Variants in NPHP4 observed in about 807,000 individuals in gnomAD.
NPHP4 encodes the protein nephrocystin-4.
NPHP4 carries 151 observed loss-of-function variants against 155.8 expected under a neutral mutation model. The ratio of observed to expected loss-of-function variants is 0.97; its 90% confidence interval spans 0.85 to 1.11. The LOEUF (loss-of-function observed/expected upper bound fraction) is 1.11, where lower values mean the gene tolerates loss of function less well. Ranked by LOEUF, NPHP4 falls within the 50% of genes least tolerant of loss-of-function variation. The probability of loss-of-function intolerance (pLI) is 0.00; values close to 1 mark genes in which losing one functional copy is unlikely to be tolerated. For synonymous variants in NPHP4, 845 were observed against 816.8 expected, an observed-to-expected ratio of 1.03 and a Z score of -0.59; for missense variants, 1,956 against 1,925.7, an observed-to-expected ratio of 1.02 and a Z score of -0.29.
chr1:5,932,400 A>C (rs1012775711), intron 10 of NPHP4, among the ~76,000 whole-genome samples: 3 of 152,188 alleles, frequency 2.0e-5, no homozygotes, highest in Non-Finnish European at 4.4e-5. Context: ...TATTACATCT[A>C]TATACCTTTA....
chr1:5,964,908 A>G (rs1651072787), intron 5 of NPHP4, among the ~76,000 whole-genome samples: 1 of 123,844 alleles, frequency 8.1e-6, no homozygotes, highest in South Asian at 2.4e-4. Context: ...AATATATAAT[A>G]CATATATATT....
chr1:5,895,845 G>A (rs1333415913), intron 16 of NPHP4, among the ~76,000 whole-genome samples: 1 of 152,192 alleles, frequency 6.6e-6, no homozygotes, highest in African/African-American at 2.4e-5. Flanking sequence ...AGCATGATGC[G>A]GCTACCGTAG....
chr1:5,890,062 T>C lies in NPHP4; in HGVS notation c.2304+806A>G, dbSNP rs1644039782. 1.3e-5 allele frequency among the ~76,000 whole-genome samples: 2 copies of C among 151,546 alleles called. No homozygotes were observed. The highest frequency in any genetic ancestry group is 6.6e-5 in the Admixed American group (1 of 15,208). ...CGCAGCTGAAGGAGCAGAGGAGCCG[T>C]GCTTCTCAGGGGTCAGCAGCTGCTG... On this transcript the variant is annotated intron_variant, in intron 17 of 29. Coordinates refer to ENST00000378156, the MANE Select transcript of NPHP4 (RefSeq NM_015102.5). This position sits in a 1 kb window ranked among gnomAD's most constrained non-coding sequence, Gnocchi z 4.9.
At chr1:5,925,475 T>C (rs771817441) in intron 11 of NPHP4, among the ~76,000 whole-genome samples, 2 of 152,230 alleles carry the variant, frequency 1.3e-5, no homozygotes, top group African/African-American at 2.4e-5. Context: ...CAATTTATAA[T>C]CTAAGGTCCT....
At chr1:5,980,438 AC>A (rs1203853056) in intron 2 of NPHP4, among the ~76,000 whole-genome samples, 1 of 152,224 alleles carries the variant, frequency 6.6e-6, no homozygotes, top group African/African-American at 2.4e-5. Flanking sequence ...GGCAGGCCTC[AC>A]GGCGCGAGGA....
chr1:5,884,080 C>T (rs1643552074), intron 18 of NPHP4, among the ~76,000 whole-genome samples: 2 of 152,340 alleles, frequency 1.3e-5, no homozygotes, highest in Non-Finnish European at 2.9e-5. Context: ...AAGAAGGGAA[C>T]AAGCGGCAAA....
chr1:5,879,677 G>GT, intron 19 of NPHP4: 1 of 505,926 alleles, frequency 2.0e-6, no homozygotes, highest in Non-Finnish European at 3.9e-6. Flanking sequence ...GGTGGGGCCT[G>GT]TGGGTCCACA....
chr1:5,867,957 C>T lies in NPHP4; in HGVS notation c.3316-61G>A, dbSNP rs1641429995. On this transcript the variant is annotated intron_variant, in intron 23 of 29. Coordinates refer to ENST00000378156, the MANE Select transcript of NPHP4 (RefSeq NM_015102.5). This position sits in a 1 kb window ranked among gnomAD's most constrained non-coding sequence, Gnocchi z 4.1. ...CGAGGCTTGTGAGCAGCTTCTTGTC[C>T]CTCCTTAGACAGCACACGTATCTCC... 6.4e-7 allele frequency: 1 copy of T among 1,554,930 alleles called. No individual in the cohort carries two copies. The highest frequency in any genetic ancestry group is 1.4e-5 in the African/African-American group (1 of 73,714).
At chr1:5,874,802 G>A in intron 21 of NPHP4, 72 bp downstream of exon 21, 1 of 1,553,986 alleles carries the variant, frequency 6.4e-7, no homozygotes, top group Non-Finnish European at 8.9e-7. Context: ...ATTCGAGCCA[G>A]CTCAGCAGGG....
intron 16 of NPHP4, among the ~76,000 whole-genome samples, chr1:5,902,159 A>G (rs1306203471): frequency 1.3e-5 from 2 of 152,216 alleles, no homozygotes; most frequent in East Asian, 3.8e-4. Flanking sequence ...GGGATGGGGA[A>G]TAGCCTAACT....
At chr1:5,970,612 C>A (rs1652384608) in intron 3 of NPHP4, among the ~76,000 whole-genome samples, 1 of 152,028 alleles carries the variant, frequency 6.6e-6, no homozygotes, top group African/African-American at 2.4e-5. Flanking sequence ...AGGAGTGGTG[C>A]TGAGCCCATA....
intron 16 of NPHP4, among the ~76,000 whole-genome samples, chr1:5,897,170 C>T (rs577486314): frequency 6.6e-6 from 1 of 152,102 alleles, no homozygotes; most frequent in South Asian, 2.1e-4. Context: ...CAGAGCAGAC[C>T]AAATGATAGA....
intron 17 of NPHP4, chr1:5,888,331 G>A (rs902327211): frequency 4.2e-5 from 44 of 1,054,532 alleles, no homozygotes; most frequent in Middle Eastern, 4.6e-4. Context: ...CTCTTCCCCC[G>A]TGCCCTCTCT....
chr1:5,901,445 G>A (rs974878767), intron 16 of NPHP4, among the ~76,000 whole-genome samples: 9 of 152,316 alleles, frequency 5.9e-5, no homozygotes, highest in Non-Finnish European at 8.8e-5. Context: ...GAAATCAGTC[G>A]GGTGGGGTTT....
At chr1:5,888,521 C>T in intron 17 of NPHP4, 3 of 1,314,852 alleles carry the variant, frequency 2.3e-6, no homozygotes, top group South Asian at 1.2e-5. Flanking sequence ...CGCTTTGCCA[C>T]ACTCGTCTAC....
At chr1:5,959,978 G>A (rs1020719667) in intron 6 of NPHP4, among the ~76,000 whole-genome samples, 3 of 152,220 alleles carry the variant, frequency 2.0e-5, no homozygotes, top group African/African-American at 7.2e-5. Context: ...TCAAGCAGGC[G>A]ACATCTCACA....
chr1:5,980,524 G>A (rs505523), intron 2 of NPHP4, among the ~76,000 whole-genome samples: 547 of 152,258 alleles, frequency 3.6e-3, no homozygotes, highest in African/African-American at 7.4e-3. Flanking sequence ...AATCTGGTTC[G>A]GGATTTAAGA....
chr1:5,864,073 C>T lies in NPHP4; in HGVS notation c.3997-40G>A, dbSNP rs779322258. Reference sequence around the variant, plus strand: ...GACAGGGAGACGCTGCGGCCACTCACGGGAACAGCCACTGGCCCTTCCTCC... The same window carrying T: ...GACAGGGAGACGCTGCGGCCACTCATGGGAACAGCCACTGGCCCTTCCTCC... On this transcript the variant is annotated intron_variant, in intron 28 of 29. Coordinates refer to ENST00000378156, the MANE Select transcript of NPHP4 (RefSeq NM_015102.5). 1.4e-5 allele frequency: 22 copies of T among 1,602,706 alleles called. No individual in the cohort carries two copies. In the East Asian group the frequency reaches 4.0e-4, roughly 29 times the overall value.
intron 11 of NPHP4, among the ~76,000 whole-genome samples, chr1:5,919,857 A>G (rs1482692266): frequency 6.6e-6 from 1 of 151,986 alleles, no homozygotes; most frequent in Non-Finnish European, 1.5e-5. Flanking sequence ...CTCCTGCCTC[A>G]GCCTCCCAAG....
Sources: allele counts gnomAD v4.1 joint callset (sites outside exome capture counted in the v4.1 genomes callset), GRCh38; gene constraint gnomAD v4.1.1; non-coding constraint Gnocchi (gnomAD v3.1); transcripts MANE v1.5; gene names NCBI Gene and HGNC (gene_info 2026-07-23, HGNC 2026-07-21).